CDH10: variants seen among roughly 807,000 people sequenced by gnomAD.
The protein encoded by CDH10 is cadherin 10.
Under a neutral mutation model 73.1 loss-of-function variants are expected in CDH10, and 30 were observed. The observed-to-expected ratio is 0.41, with a 90% CI of 0.31 to 0.56. The LOEUF (loss-of-function observed/expected upper bound fraction) is 0.56. CDH10 is among the 20% of genes least tolerant of loss of function. The pLI is 0.27. For missense variants in CDH10, 815 were observed against 973.7 expected, an observed-to-expected ratio of 0.84 and a Z score of 2.17; for synonymous variants, 345 against 348.2, an observed-to-expected ratio of 0.99 and a Z score of 0.10.
At chr5:24,626,019 C>T (rs571508962) in intron 1 of CDH10, among the ~76,000 whole-genome samples, 6 of 152,100 alleles carry the variant, frequency 3.9e-5, no homozygotes, top group South Asian at 4.2e-4. Flanking sequence ...GTTGCTGGAA[C>T]ACATGTAAAT....
At chr5:24,504,503 AATCTTTTTTTTT>A (rs1742611946) in intron 8 of CDH10, among the ~76,000 whole-genome samples, 3 of 47,852 alleles carry the variant, frequency 6.3e-5, no homozygotes, top group Admixed American at 2.2e-4. Context: ...TTCTCCTATT[AATCTTTTTTTTT>A]TTTTTTTTTT....
In CDH10 at chr5:24,518,317, AGTTACCC is replaced by A. The variant is rs201289800; in HGVS notation, c.815-6810_815-6804del. On this transcript the variant is annotated intron_variant, in intron 5 of 11. Transcript: ENST00000264463. ...AAAAGGAATGAAAAATGATGGCATT[AGTTACCC>A]TAAAATATAGAACAACACATCAAAC... Among the ~76,000 whole-genome samples, 26 of 152,286 alleles carry A rather than the reference AGTTACCC, an allele frequency of 1.7e-4. No individual in the cohort carries two copies. In the East Asian group the frequency reaches 5.0e-3, roughly 29 times the overall value.
At chr5:24,491,474 A>C (rs540929105) in intron 11 of CDH10, 102 bp downstream of exon 11, 1 of 914,366 alleles carries the variant, frequency 1.1e-6, no homozygotes, top group Non-Finnish European at 1.7e-6. Flanking sequence ...GTCTATCTTA[A>C]AATTTGGGGT....
intron 1 of CDH10, among the ~76,000 whole-genome samples, chr5:24,643,766 T>G (rs1748130903): frequency 6.6e-6 from 1 of 152,188 alleles, no homozygotes; most frequent in Non-Finnish European, 1.5e-5. Context: ...TTTATTTTAG[T>G]GGCATAAAAA....
intron 1 of CDH10, among the ~76,000 whole-genome samples, chr5:24,597,330 A>G (rs568078916): frequency 4.6e-4 from 70 of 152,244 alleles, no homozygotes; most frequent in African/African-American, 1.7e-3. Flanking sequence ...ATGCAGGCGG[A>G]CCATGTGCTT....
chr5:24,643,730 T>G (rs1190652478), intron 1 of CDH10, among the ~76,000 whole-genome samples: 1 of 152,188 alleles, frequency 6.6e-6, no homozygotes, highest in African/African-American at 2.4e-5. Context: ...GACTCCCCTT[T>G]TTTCATAATA....
intron 1 of CDH10, among the ~76,000 whole-genome samples, chr5:24,636,135 T>G (rs1421790198): frequency 6.6e-6 from 1 of 151,966 alleles, no homozygotes; most frequent in Non-Finnish European, 1.5e-5. Flanking sequence ...CTAGAACACC[T>G]ATTGTGTATT....
At chr5:24,512,102 C>T (rs547222586) in intron 5 of CDH10, among the ~76,000 whole-genome samples, 2 of 152,132 alleles carry the variant, frequency 1.3e-5, no homozygotes, top group Admixed American at 1.3e-4. Flanking sequence ...ACAAGTTTAC[C>T]TAAGTAACAA....
intron 2 of CDH10, among the ~76,000 whole-genome samples, chr5:24,542,784 G>C (rs1327484716): frequency 6.6e-6 from 1 of 152,026 alleles, no homozygotes; most frequent in Non-Finnish European, 1.5e-5. Flanking sequence ...ATACCTTCTG[G>C]CTGTGTCTTC....
In CDH10 at chr5:24,580,651, A is replaced by G. The variant is rs529966461; in HGVS notation, c.231+12609T>C. On this transcript the variant is annotated intron_variant, in intron 2 of 11. Coordinates refer to ENST00000264463, the MANE Select transcript of CDH10 (RefSeq NM_006727.5). ...ACATAGAGTAAAAGTCAGAATTTATATAAGACCCTACATATTAGTTTCCTA... is the reference window on the plus strand; with the variant it reads ...ACATAGAGTAAAAGTCAGAATTTATGTAAGACCCTACATATTAGTTTCCTA... Among the ~76,000 whole-genome samples, 4 of 152,344 alleles carry G rather than the reference A, an allele frequency of 2.6e-5. No homozygotes were observed. In the South Asian group the frequency reaches 8.3e-4, roughly 32 times the overall value.
At chr5:24,623,360 A>G (rs1299848734) in intron 1 of CDH10, among the ~76,000 whole-genome samples, 1 of 152,222 alleles carries the variant, frequency 6.6e-6, no homozygotes, top group Non-Finnish European at 1.5e-5. Context: ...AAAAAGGGTA[A>G]TAACAATATA....
intron 1 of CDH10, among the ~76,000 whole-genome samples, chr5:24,617,719 CTCT>C (rs1157302191): frequency 6.6e-6 from 1 of 152,206 alleles, no homozygotes; most frequent in Non-Finnish European, 1.5e-5. Flanking sequence ...CTGCTTCTAA[CTCT>C]TCATTTGTTC....
chr5:24,492,116 AAC>A (rs1160503094), intron 10 of CDH10, among the ~76,000 whole-genome samples: 2 of 152,190 alleles, frequency 1.3e-5, no homozygotes, highest in Non-Finnish European at 2.9e-5. Context: ...TACAGATGAT[AAC>A]AACTGGCTTT....
intron 1 of CDH10, 44 bp downstream of exon 1, chr5:24,644,550 T>C (rs1005575561): frequency 6.6e-6 from 1 of 150,624 alleles, no homozygotes; most frequent in Non-Finnish European, 1.5e-5. Flanking sequence ...GAGGAATATA[T>C]AATACCTTAA....
intron 9 of CDH10, among the ~76,000 whole-genome samples, chr5:24,497,823 A>C (rs185257241): frequency 1.4e-3 from 217 of 152,326 alleles, no homozygotes; most frequent in African/African-American, 5.0e-3. Flanking sequence ...AGACTTACAG[A>C]ATTATAAACA....
chr5:24,602,574 A>G (rs915931413), intron 1 of CDH10, among the ~76,000 whole-genome samples: 2 of 152,136 alleles, frequency 1.3e-5, no homozygotes, highest in African/African-American at 2.4e-5. Context: ...TATTTCCCCA[A>G]TTAGACATTC....
intron 1 of CDH10, among the ~76,000 whole-genome samples, chr5:24,634,661 C>A (rs965784056): frequency 4.0e-5 from 6 of 151,830 alleles, no homozygotes; most frequent in Middle Eastern, 3.4e-3. Context: ...CGAGCATTAT[C>A]TTTACTATGC....
At chr5:24,611,224 C>T (rs1411981279) in intron 1 of CDH10, among the ~76,000 whole-genome samples, 2 of 152,022 alleles carry the variant, frequency 1.3e-5, no homozygotes, top group African/African-American at 2.4e-5. Flanking sequence ...AATTGATACA[C>T]CAAACAATGC....
At chr5:24,542,161 T>C (rs1415081540) in intron 2 of CDH10, among the ~76,000 whole-genome samples, 1 of 152,116 alleles carries the variant, frequency 6.6e-6, no homozygotes, top group Non-Finnish European at 1.5e-5. Flanking sequence ...TTACAGCCTA[T>C]CTAGTTTAAG....
Sources: allele counts gnomAD v4.1 joint callset (sites outside exome capture counted in the v4.1 genomes callset), GRCh38; gene constraint gnomAD v4.1.1; transcripts MANE v1.5; gene names NCBI Gene and HGNC (gene_info 2026-07-23, HGNC 2026-07-21).